Variants in SORD observed in about 807,000 individuals in gnomAD.
SORD encodes sorbitol dehydrogenase.
In SORD, 18 loss-of-function variants were observed where a neutral mutation model predicts 35.6. The observed-to-expected ratio is 0.51, with a 90% confidence interval of 0.35 to 0.75. The LOEUF (loss-of-function observed/expected upper bound fraction) is 0.75. Ranked by LOEUF, SORD falls within the 30% of genes least tolerant of loss-of-function variation. The probability of loss-of-function intolerance (pLI) is 0.01; values close to 1 mark genes in which losing one functional copy is unlikely to be tolerated. For synonymous variants in SORD, 106 were observed against 152.9 expected (o/e 0.69, Z 2.26); for missense variants, 250 against 390.2 (o/e 0.64, Z 3.03).
chr15:45,036,138 A>T (rs1892862048), intron 1 of SORD: 2 of 311,774 alleles, frequency 6.4e-6, no homozygotes, highest in South Asian at 2.5e-5. Flanking sequence ...AGAAACTCCG[A>T]ACACATCCGA....
At position 45,024,503 on chromosome 15, in the gene SORD, T is replaced by C. The variant is rs1241676233; in HGVS notation, c.66+1154T>C. 2.0e-5 allele frequency among the ~76,000 whole-genome samples: 3 copies of C among 152,088 alleles called. No homozygotes were observed. The East Asian group carries it at 5.8e-4, about 29-fold the overall frequency. ...AAGTACCATACCCAAGGTGATAGGT[T>C]TTGTTAGTTAACAGAGCCACGACAA... is the stretch of plus-strand genomic sequence containing the variant. On this transcript the variant is annotated intron_variant, in intron 1 of 8. Coordinates refer to ENST00000267814, the MANE Select transcript of SORD (RefSeq NM_003104.6).
At chr15:45,066,545 A>T (rs1230150548) in intron 5 of SORD, among the ~76,000 whole-genome samples, 1 of 152,154 alleles carries the variant, frequency 6.6e-6, no homozygotes, top group Non-Finnish European at 1.5e-5. Context: ...GTCTGCTCCC[A>T]CACCACTGTG....
intron 3 of SORD, among the ~76,000 whole-genome samples, chr15:45,047,725 C>G (rs1303955931): frequency 6.6e-6 from 1 of 152,180 alleles, no homozygotes; most frequent in Admixed American, 6.5e-5. Context: ...TGGGTCCTTT[C>G]CTGGCTCCTG....
chr15:45,036,195 A>G, intron 1 of SORD: 1 of 381,782 alleles, frequency 2.6e-6, no homozygotes, highest in South Asian at 2.0e-5. Flanking sequence ...AGGAACTGTA[A>G]CACTCAATGC....
At position 45,052,603 on chromosome 15, in the gene SORD, A is replaced by G. The variant is rs115113771; in HGVS notation, c.266-8464A>G. On this transcript the variant is annotated intron_variant, in intron 3 of 8. Coordinates refer to ENST00000267814, the MANE Select transcript of SORD (RefSeq NM_003104.6). ...AGGTTAGAAAGAGGTTTGGGGTTTGATAGTCTACCCCCACAGTATGCCTCT... is the reference window on the plus strand; with the variant it reads ...AGGTTAGAAAGAGGTTTGGGGTTTGGTAGTCTACCCCCACAGTATGCCTCT... Among the ~76,000 whole-genome samples, 495 of 152,306 alleles carry G rather than the reference A, an allele frequency of 3.3e-3. 3 individuals carry two copies. The highest frequency in any genetic ancestry group is 0.011 in the African/African-American group (472 of 41,560).
chr15:45,043,231 G>GT (rs1384674524), intron 2 of SORD, 26 bp from the exon 3 acceptor site: 2 of 654,628 alleles, frequency 3.1e-6, no homozygotes, highest in African/African-American at 2.2e-5. Flanking sequence ...CTCTCTCACT[G>GT]TTTTTTTCTT....
Position 45,068,247 on chromosome 15 carries a change from G to A in SORD, c.610+1G>A. The A allele has an allele frequency of 6.2e-7, 1 of 1,609,130 alleles. No individual in the cohort carries two copies. Among genetic ancestry groups the A allele is most frequent in the Non-Finnish European group, 8.5e-7 (1 of 1,175,426 alleles). On this transcript the variant is annotated splice_donor_variant, in intron 6 of 8. Coordinates refer to ENST00000267814, the MANE Select transcript of SORD (RefSeq NM_003104.6). LOFTEE classifies it high-confidence loss of function. ...GGAGCAGCTCAAGTAGTGGTGACTG[G>A]TAAGACTTTGTTCTTTATCAATCTC...
intron 4 of SORD, among the ~76,000 whole-genome samples, chr15:45,062,356 G>A (rs1893330770): frequency 6.6e-6 from 1 of 152,352 alleles, no homozygotes; most frequent in East Asian, 1.9e-4. Context: ...GAAGCAAAGT[G>A]CCTCCCTTTC....
chr15:45,027,364 T>C (rs1892692185), intron 1 of SORD, among the ~76,000 whole-genome samples: 1 of 152,276 alleles, frequency 6.6e-6, no homozygotes, highest in Admixed American at 6.5e-5. Flanking sequence ...ACTCAACAAA[T>C]TATTTTCCAC....
At chr15:45,073,252 C>T in intron 8 of SORD, 113 bp from the exon 9 acceptor site, 3 of 539,788 alleles carry the variant, frequency 5.6e-6, no homozygotes, top group Non-Finnish European at 9.2e-6. Flanking sequence ...ATTGGCTTTG[C>T]AGAACCACAG....
chr15:45,030,306 A>T (rs1892755386), intron 1 of SORD, among the ~76,000 whole-genome samples: 1 of 152,244 alleles, frequency 6.6e-6, no homozygotes, highest in African/African-American at 2.4e-5. Context: ...AGACCCTAGA[A>T]TTATGGATGT....
At chr15:45,037,293 G>C (rs66662768) in intron 1 of SORD, among the ~76,000 whole-genome samples, 1 of 152,216 alleles carries the variant, frequency 6.6e-6, no homozygotes. Context: ...TGTGTGGTAC[G>C]AGCACAGCTG....
At chr15:45,056,428 A>G (rs1893218085) in intron 3 of SORD, among the ~76,000 whole-genome samples, 1 of 152,220 alleles carries the variant, frequency 6.6e-6, no homozygotes, top group African/African-American at 2.4e-5. Context: ...CCAACTTACA[A>G]GGGACGTGAA....
At chr15:45,026,237 TG>T (rs1892666654) in intron 1 of SORD, among the ~76,000 whole-genome samples, 1 of 152,182 alleles carries the variant, frequency 6.6e-6, no homozygotes. Context: ...GGCTTGGGTT[TG>T]GGGTCAGTAG....
chr15:45,061,854 C>G (rs542374211), intron 4 of SORD, among the ~76,000 whole-genome samples: 34 of 151,990 alleles, frequency 2.2e-4, no homozygotes, highest in East Asian at 9.7e-4. Flanking sequence ...GGGCAACAGA[C>G]CGAGACTCCG....
At chr15:45,035,053 G>A (rs928768453) in intron 1 of SORD, among the ~76,000 whole-genome samples, 1 of 152,186 alleles carries the variant, frequency 6.6e-6, no homozygotes, top group Non-Finnish European at 1.5e-5. Context: ...TTCTCGCCGG[G>A]CCTTAGCTGC....
intron 3 of SORD, among the ~76,000 whole-genome samples, chr15:45,052,824 G>C (rs1390747156): frequency 6.6e-6 from 1 of 152,136 alleles, no homozygotes; most frequent in Non-Finnish European, 1.5e-5. Flanking sequence ...TGGCTGAGCA[G>C]GCTGAGCGAT....
chr15:45,068,001 A>G (rs1893434351), intron 5 of SORD, among the ~76,000 whole-genome samples, 180 bp from the exon 6 acceptor site: 1 of 152,178 alleles, frequency 6.6e-6, no homozygotes, highest in African/African-American at 2.4e-5. Context: ...GTAGAGAATA[A>G]TTCTTCATGG....
chr15:45,075,482 T>C lies in SORD; in HGVS notation c.*1952T>C, dbSNP rs1315296964. 9 of 119,394 alleles carry C rather than the reference T, an allele frequency of 7.5e-5. 2 individuals are homozygous for C. Among genetic ancestry groups the C allele is most frequent in the African/African-American group, 5.0e-4 (9 of 18,112 alleles). The allele number at this position is 119,394 out of a possible 1,614,324, so 7.4% of individuals were successfully genotyped here. A position where few individuals can be genotyped will look rare whatever the true frequency, so the allele number is the denominator to read the frequency against. ...GGAGGCACTTCCTGCAGCCTATGCATGCCTCGTGAAGCCATTTCACTGCTG... is the reference window on the plus strand; with the variant it reads ...GGAGGCACTTCCTGCAGCCTATGCACGCCTCGTGAAGCCATTTCACTGCTG... On this transcript the variant is annotated 3_prime_UTR_variant, in exon 9 of 9. Transcript: ENST00000267814.
Sources: gnomAD v4.1 joint callset for allele counts (sites outside exome capture counted in the v4.1 genomes callset) on GRCh38, gnomAD v4.1.1 for gene constraint, MANE v1.5 for transcripts, NCBI Gene and HGNC (gene_info 2026-07-23, HGNC 2026-07-21) for gene names.